Variants in SEL1L2 observed in about 807,000 individuals in gnomAD.
The protein encoded by SEL1L2 is protein sel-1 homolog 2.
A neutral mutation model predicts 98.8 loss-of-function variants in SEL1L2; 89 were observed. The ratio of observed to expected loss-of-function variants is 0.90; its 90% CI spans 0.76 to 1.07. The LOEUF (loss-of-function observed/expected upper bound fraction) is 1.07. Ranked by LOEUF, SEL1L2 falls within the 50% of genes least tolerant of loss-of-function variation. SEL1L2 has a pLI of 0.00. For missense variants in SEL1L2, 788 were observed against 812.0 expected, an observed-to-expected ratio of 0.97 and a Z score of 0.36; for synonymous variants, 262 against 278.5, an observed-to-expected ratio of 0.94 and a Z score of 0.59.
chr20:13,879,545 G>C (rs2046598004), intron 10 of SEL1L2, among the ~76,000 whole-genome samples: 1 of 151,978 alleles, frequency 6.6e-6, no homozygotes, highest in South Asian at 2.1e-4. Context: ...TAGAGATGGG[G>C]TTTTGCCATG....
At chr20:13,905,856 T>C (rs1427980481) in intron 5 of SEL1L2, among the ~76,000 whole-genome samples, 3 of 151,492 alleles carry the variant, frequency 2.0e-5, no homozygotes, top group Non-Finnish European at 4.4e-5. Flanking sequence ...GTAAGACTTA[T>C]TTCTTTTTCT....
intron 2 of SEL1L2, among the ~76,000 whole-genome samples, chr20:13,954,073 A>G (rs1158745515): frequency 1.3e-5 from 2 of 152,200 alleles, no homozygotes; most frequent in Non-Finnish European, 1.5e-5. Context: ...GTGTTTTCAA[A>G]AAGTTTTTGT....
chr20:13,978,799 G>C (rs1305018116), intron 1 of SEL1L2, among the ~76,000 whole-genome samples: 1 of 152,216 alleles, frequency 6.6e-6, no homozygotes, highest in Non-Finnish European at 1.5e-5. Flanking sequence ...GCTCACGCCT[G>C]TAATCCCAAC....
At chr20:13,995,207 C>T, upstream of SEL1L2, 1 of 173,306 alleles carries the variant, frequency 5.8e-6, no homozygotes. The surrounding 1 kb of genome is among the most constrained non-coding windows in gnomAD (Gnocchi z 4.3). Context: ...CAGCGGTAAG[C>T]GCGGTCCACC....
chr20:13,979,725 T>C (rs2051717657), intron 1 of SEL1L2, among the ~76,000 whole-genome samples: 1 of 152,242 alleles, frequency 6.6e-6, no homozygotes. Flanking sequence ...ATAAAAAAGA[T>C]TTAAGCATAA....
chr20:13,961,880 A>G (rs1473081502), intron 1 of SEL1L2, among the ~76,000 whole-genome samples: 1 of 152,178 alleles, frequency 6.6e-6, no homozygotes, highest in Admixed American at 6.5e-5. Context: ...AGTGACTAGT[A>G]TATCTCTCCT....
At chr20:13,936,053 C>T (rs889573193) in intron 2 of SEL1L2, among the ~76,000 whole-genome samples, 1 of 152,200 alleles carries the variant, frequency 6.6e-6, no homozygotes, top group African/African-American at 2.4e-5. Flanking sequence ...TATAGACTAG[C>T]TATAGCTCTT....
At chr20:13,943,273 G>A (rs2049862837) in intron 2 of SEL1L2, among the ~76,000 whole-genome samples, 1 of 152,148 alleles carries the variant, frequency 6.6e-6, no homozygotes, top group Non-Finnish European at 1.5e-5. Flanking sequence ...AGTGGCATGA[G>A]TGATATTAAT....
intron 12 of SEL1L2, among the ~76,000 whole-genome samples, chr20:13,871,082 A>G (rs921742802): frequency 6.6e-6 from 1 of 152,084 alleles, no homozygotes; most frequent in East Asian, 1.9e-4. Context: ...GGAGTTTTCC[A>G]GAAGGGAGAA....
At chr20:13,907,190 A>G (rs992501694) in intron 5 of SEL1L2, among the ~76,000 whole-genome samples, 2 of 152,214 alleles carry the variant, frequency 1.3e-5, no homozygotes, top group African/African-American at 2.4e-5. Flanking sequence ...AAGTGTATAC[A>G]TCTAAGTTAA....
intron 5 of SEL1L2, among the ~76,000 whole-genome samples, chr20:13,912,485 C>T (rs139253280): frequency 2.2e-4 from 34 of 151,982 alleles, no homozygotes; most frequent in African/African-American, 7.7e-4. Context: ...TTAGTAGAGA[C>T]GGGGTTTCAC....
intron 14 of SEL1L2, among the ~76,000 whole-genome samples, chr20:13,868,420 C>G (rs536064070): frequency 3.3e-5 from 5 of 152,126 alleles, no homozygotes; most frequent in Non-Finnish European, 4.4e-5. Flanking sequence ...GTCCTAGTCC[C>G]CCTGATGCTG....
chr20:13,934,061 C>T (rs2049283455), intron 2 of SEL1L2, among the ~76,000 whole-genome samples: 1 of 149,534 alleles, frequency 6.7e-6, no homozygotes, highest in Non-Finnish European at 1.5e-5. Flanking sequence ...TTTTGGTGCA[C>T]CCATCACCCG....
chr20:13,993,530 T>C (rs2052576112), upstream of SEL1L2, among the ~76,000 whole-genome samples: 1 of 152,214 alleles, frequency 6.6e-6, no homozygotes, highest in African/African-American at 2.4e-5. Flanking sequence ...TTTAATGTGC[T>C]TTCACACAAT....
chr20:13,976,156 C>T (rs2051523388), intron 1 of SEL1L2, among the ~76,000 whole-genome samples: 1 of 152,038 alleles, frequency 6.6e-6, no homozygotes, highest in African/African-American at 2.4e-5. Flanking sequence ...TGCATGCCAC[C>T]ACACCCAGCT....
At chr20:13,969,924 C>A (rs1449332700) in intron 1 of SEL1L2, among the ~76,000 whole-genome samples, 2 of 152,108 alleles carry the variant, frequency 1.3e-5, no homozygotes, top group African/African-American at 4.8e-5. Flanking sequence ...CTTGGTACAT[C>A]TTCAGGAAGT....
intron 17 of SEL1L2, among the ~76,000 whole-genome samples, chr20:13,861,279 G>A (rs1336871129): frequency 1.3e-5 from 2 of 151,740 alleles, no homozygotes. Flanking sequence ...AAGCTCAAGC[G>A]ATCATCCTAC....
At chr20:13,994,640 T>C (rs1165978615), upstream of SEL1L2, among the ~76,000 whole-genome samples, 3 of 152,184 alleles carry the variant, frequency 2.0e-5, no homozygotes, top group South Asian at 4.1e-4. Context: ...TGGCGGACTT[T>C]AGTGAAACTG....
chr20:13,926,304 G>A (rs1444117179), intron 3 of SEL1L2, among the ~76,000 whole-genome samples: 2 of 148,530 alleles, frequency 1.3e-5, no homozygotes, highest in Non-Finnish European at 3.0e-5. Context: ...GACAGAGCGA[G>A]ACTCCGTTTC....
Sources: allele counts gnomAD v4.1 joint callset (sites outside exome capture counted in the v4.1 genomes callset), GRCh38; gene constraint gnomAD v4.1.1; non-coding constraint Gnocchi (gnomAD v3.1); transcripts MANE v1.5; gene names NCBI Gene and HGNC (gene_info 2026-07-23, HGNC 2026-07-21).